The following TFEC variants were observed in gnomAD, a reference collection of about 807,000 sequenced individuals.
TFEC encodes class E basic helix-loop-helix protein 34.
A neutral mutation model predicts 41.6 loss-of-function variants in TFEC; 31 were observed. That is an observed-to-expected ratio of 0.74 (90% CI 0.56 to 1.01). TFEC has a LOEUF of 1.01. Ranked by LOEUF, TFEC falls within the 50% of genes least tolerant of loss-of-function variation. The pLI is 0.00. For synonymous variants in TFEC, 143 were observed against 140.6 expected (o/e 1.02, Z -0.12); for missense variants, 402 against 404.1 (o/e 0.99, Z 0.04).
intron 3 of TFEC, 73 bp from the exon 4 acceptor site, chr7:115,956,866 AC>A: frequency 1.2e-6 from 1 of 851,258 alleles, no homozygotes; most frequent in Non-Finnish European, 1.6e-6. Context: ...TATATATATT[AC>A]ATTTTCCACT....
chr7:116,153,281 A>T (rs1363910188), intron 1 of TFEC, among the ~76,000 whole-genome samples: 2 of 152,088 alleles, frequency 1.3e-5, no homozygotes, highest in Admixed American at 6.6e-5. Flanking sequence ...TTTGAGACAG[A>T]GTCTCGTTCT....
chr7:116,124,524 T>A (rs532563258), intron 1 of TFEC, among the ~76,000 whole-genome samples: 22 of 109,066 alleles, frequency 2.0e-4, no homozygotes, highest in Admixed American at 1.4e-3. Context: ...AAAATGTGAA[T>A]AATAAAACAA....
intron 3 of TFEC, among the ~76,000 whole-genome samples, chr7:116,040,964 T>C (rs1044780087): frequency 2.6e-5 from 4 of 152,264 alleles, no homozygotes; most frequent in Non-Finnish European, 5.9e-5. Context: ...TGAAATATGT[T>C]GTAGTCAGGT....
chr7:116,150,116 C>A (rs1277314464), intron 1 of TFEC, among the ~76,000 whole-genome samples: 2 of 152,184 alleles, frequency 1.3e-5, no homozygotes, highest in African/African-American at 4.8e-5. Flanking sequence ...AAAACACCAA[C>A]ATCTTTTTCA....
intron 1 of TFEC, among the ~76,000 whole-genome samples, chr7:115,991,817 G>C (rs1394093648): frequency 1.3e-5 from 2 of 152,092 alleles, no homozygotes; most frequent in Non-Finnish European, 2.9e-5. Context: ...AAGTTAACAA[G>C]GATATCCAGG....
chr7:116,146,032 C>A (rs1449273270), intron 1 of TFEC, among the ~76,000 whole-genome samples: 1 of 152,084 alleles, frequency 6.6e-6, no homozygotes, highest in African/African-American at 2.4e-5. Context: ...CTGTTTCCAG[C>A]AATAATGGAA....
At chr7:115,949,546 C>T (rs1461331715) in intron 6 of TFEC, among the ~76,000 whole-genome samples, 1 of 152,072 alleles carries the variant, frequency 6.6e-6, no homozygotes, top group African/African-American at 2.4e-5. Context: ...AATAATACCG[C>T]ATATATAAAA....
chr7:115,948,654 CATGCT>C (rs1489962998), intron 6 of TFEC, among the ~76,000 whole-genome samples: 1 of 151,692 alleles, frequency 6.6e-6, no homozygotes, highest in Non-Finnish European at 1.5e-5. Context: ...AACAACCCTT[CATGCT>C]AAAAACTCTC....
chr7:116,022,975 C>A (rs1476383363), intron 1 of TFEC, among the ~76,000 whole-genome samples: 2 of 151,638 alleles, frequency 1.3e-5, no homozygotes, highest in Non-Finnish European at 2.9e-5. Flanking sequence ...CTGATTATGG[C>A]AGAGCTGGTT....
chr7:116,048,182 C>T (rs943014643), intron 3 of TFEC, among the ~76,000 whole-genome samples: 6 of 152,112 alleles, frequency 3.9e-5, no homozygotes, highest in African/African-American at 9.7e-5. Context: ...TAAACTTCTC[C>T]GAGCTAAATG....
intron 3 of TFEC, among the ~76,000 whole-genome samples, chr7:116,052,191 A>G (rs1796327850): frequency 6.6e-6 from 1 of 152,070 alleles, no homozygotes. Flanking sequence ...GAGCAGACTC[A>G]GATTATAGGA....
chr7:116,150,302 A>C (rs896733979), intron 1 of TFEC, among the ~76,000 whole-genome samples: 2 of 152,146 alleles, frequency 1.3e-5, no homozygotes, highest in Admixed American at 6.6e-5. Flanking sequence ...ATAAGTGCCC[A>C]TTCTCAACTT....
At chr7:115,968,315 G>C (rs974376017) in intron 3 of TFEC, 48 of 1,490,170 alleles carry the variant, frequency 3.2e-5, no homozygotes, top group Non-Finnish European at 4.0e-5. Context: ...ACACTAAAGT[G>C]AACTTTGGTT....
chr7:116,013,757 A>G (rs1247728045), intron 1 of TFEC, among the ~76,000 whole-genome samples: 4 of 152,122 alleles, frequency 2.6e-5, no homozygotes, highest in African/African-American at 9.7e-5. Flanking sequence ...TTCTATATAA[A>G]CAAACAAATA....
intron 1 of TFEC, among the ~76,000 whole-genome samples, chr7:116,114,685 A>T (rs907610179): frequency 6.6e-6 from 1 of 151,942 alleles, no homozygotes; most frequent in East Asian, 1.9e-4. Context: ...TTGGTCAAAG[A>T]CCTTTCTTCT....
intron 3 of TFEC, among the ~76,000 whole-genome samples, chr7:116,080,457 C>T (rs1003666681): frequency 1.3e-5 from 2 of 151,970 alleles, no homozygotes; most frequent in Non-Finnish European, 1.5e-5. Context: ...CTACAAAGAA[C>T]TCTAACAAAT....
chr7:116,030,141 G>A (rs1795740894), intron 1 of TFEC, among the ~76,000 whole-genome samples: 1 of 152,100 alleles, frequency 6.6e-6, no homozygotes, highest in East Asian at 1.9e-4. Flanking sequence ...ATAAAAATAG[G>A]AATTAATTTT....
In TFEC at chr7:116,133,236, G is replaced by A. The variant is rs527554150; in HGVS notation, c.-68-21198C>T. Among the ~76,000 whole-genome samples, 15 of 137,190 alleles carry A rather than the reference G, an allele frequency of 1.1e-4. No individual in the cohort carries two copies. The South Asian group carries it at 3.1e-3, about 28-fold the overall frequency. The allele number at this position is 137,190 out of a possible 152,430, so 90.0% of individuals were successfully genotyped here. On this transcript the variant is annotated intron_variant, in intron 1 of 8. Transcript: ENST00000484212. Reference sequence around the variant, plus strand: ...ACTACAAACGTGTTATGTACCAAACGAAAATAATTCTTTCCTTAATTAGAA... The same window carrying A: ...ACTACAAACGTGTTATGTACCAAACAAAAATAATTCTTTCCTTAATTAGAA...
intron 1 of TFEC, among the ~76,000 whole-genome samples, chr7:116,155,238 A>T (rs1361079471): frequency 6.6e-6 from 1 of 152,232 alleles, no homozygotes; most frequent in Non-Finnish European, 1.5e-5. Context: ...GGAATTAGAG[A>T]TAGCTTCCTT....
Sources: gnomAD v4.1 joint callset for allele counts (sites outside exome capture counted in the v4.1 genomes callset) on GRCh38, gnomAD v4.1.1 for gene constraint, MANE v1.5 for transcripts, NCBI Gene and HGNC (gene_info 2026-07-23, HGNC 2026-07-21) for gene names.